The following CACNA1E variants were observed in gnomAD, a reference collection of about 807,000 sequenced individuals.
CACNA1E encodes the protein voltage-dependent R-type calcium channel subunit alpha-1E.
A neutral mutation model predicts 259.2 loss-of-function variants in CACNA1E; 40 were observed. The observed-to-expected ratio is 0.15, with a 90% confidence interval of 0.12 to 0.20. The LOEUF (loss-of-function observed/expected upper bound fraction) is 0.20. CACNA1E is among the 10% of genes least tolerant of loss of function. The pLI is 1.00. For missense variants in CACNA1E, 1,874 were observed against 3,040.1 expected, an observed-to-expected ratio of 0.62 and a Z score of 9.02; for synonymous variants, 1,104 against 1,138.5, an observed-to-expected ratio of 0.97 and a Z score of 0.61.
intron 1 of CACNA1E, among the ~76,000 whole-genome samples, chr1:181,509,636 C>T (rs1259982180): frequency 6.6e-6 from 1 of 152,190 alleles, no homozygotes; most frequent in East Asian, 1.9e-4. Context: ...TCCCTCGGAG[C>T]ATGTGGCAAA....
chr1:181,798,772 G>A lies in CACNA1E; in HGVS notation c.6880G>A (p.Gly2294Ser). The A allele has an allele frequency of 1.3e-6, 2 of 1,586,636 alleles. No homozygotes were observed. The highest frequency in any genetic ancestry group is 1.7e-6 in the Non-Finnish European group (2 of 1,165,704). The change falls in exon 48 of 48, where the codon GGC becomes AGC. Residue 2294 changes from glycine (G) to serine (S), a missense_variant. Coordinates refer to ENST00000367573, the MANE Select transcript of CACNA1E (RefSeq NM_001205293.3). The surrounding 1 kb of genome is among the most constrained non-coding windows in gnomAD (Gnocchi z 4.2). Reference sequence around the variant, plus strand: ...GCGGAGGCGCGGGGGGCCTGGGCCAGGCATGATGTGTGGGGCTGTCAACAA... The same window carrying A: ...GCGGAGGCGCGGGGGGCCTGGGCCAAGCATGATGTGTGGGGCTGTCAACAA... Reference protein sequence around the residue: ...RRRRRGGPGPGMMCGAVNNLL... With the variant: ...RRRRRGGPGPSMMCGAVNNLL...
At chr1:181,386,503 G>A (rs1363522222) in intron 1 of CACNA1E, among the ~76,000 whole-genome samples, 2 of 152,198 alleles carry the variant, frequency 1.3e-5, no homozygotes, top group South Asian at 2.1e-4. Context: ...GAAGGACACC[G>A]AAGGGGGTGA....
At chr1:181,773,110 T>C (rs993249990) in intron 37 of CACNA1E, among the ~76,000 whole-genome samples, 1 of 152,234 alleles carries the variant, frequency 6.6e-6, no homozygotes, top group Non-Finnish European at 1.5e-5. Flanking sequence ...GTGGTCAATT[T>C]CATGGCCATG....
chr1:181,725,277 A>G (rs1461915974), intron 17 of CACNA1E, among the ~76,000 whole-genome samples: 1 of 152,198 alleles, frequency 6.6e-6, no homozygotes. Flanking sequence ...TAGGAAAAAT[A>G]TCAGCTTTAG....
intron 7 of CACNA1E, among the ~76,000 whole-genome samples, chr1:181,710,674 C>T (rs991105213): frequency 2.0e-5 from 3 of 152,184 alleles, no homozygotes; most frequent in Non-Finnish European, 4.4e-5. Context: ...AACCTAGTTT[C>T]TCACATGGCT....
Position 181,356,336 on chromosome 1 carries a change from C to A in CACNA1E, c.-15+38213C>A, listed in dbSNP as rs185636223. Among the ~76,000 whole-genome samples the A allele has an allele frequency of 1.2e-4, 16 of 136,214 alleles. 1 individual carries two copies. In the East Asian group the frequency reaches 3.2e-3, roughly 27 times the overall value. The allele number at this position is 136,214 out of a possible 152,430, so 89.4% of individuals were successfully genotyped here. On this transcript the variant is annotated intron_variant, in intron 1 of 11. Coordinates refer to the CACNA1E transcript ENST00000524607. ...CACTGTATTCCCTGGCTGTTGCCTTCTATTCGTGTGTGTGTGTGTGTGTGT... is the reference window on the plus strand; with the variant it reads ...CACTGTATTCCCTGGCTGTTGCCTTATATTCGTGTGTGTGTGTGTGTGTGT...
At chr1:181,785,091 G>A (rs976319140) in intron 41 of CACNA1E, among the ~76,000 whole-genome samples, 2 of 152,036 alleles carry the variant, frequency 1.3e-5, no homozygotes, top group East Asian at 1.9e-4. Flanking sequence ...CCTCAGTATC[G>A]TCACCATCAC....
chr1:181,407,882 G>A (rs1657578818), intron 1 of CACNA1E, among the ~76,000 whole-genome samples: 1 of 152,170 alleles, frequency 6.6e-6, no homozygotes, highest in Admixed American at 6.5e-5. Flanking sequence ...AAGTTGTAGA[G>A]TATCATATCT....
At chr1:181,320,787 A>G (rs760020711) in intron 1 of CACNA1E, among the ~76,000 whole-genome samples, 2 of 152,082 alleles carry the variant, frequency 1.3e-5, no homozygotes, top group Non-Finnish European at 2.9e-5. Flanking sequence ...GGCCATCCTG[A>G]CTGGTCCTTA....
At chr1:181,797,252 T>C (rs1661891305) in intron 47 of CACNA1E, among the ~76,000 whole-genome samples, 1 of 152,176 alleles carries the variant, frequency 6.6e-6, no homozygotes, top group African/African-American at 2.4e-5. Context: ...GATTCACAAG[T>C]CAGAGCAGTT....
intron 7 of CACNA1E, among the ~76,000 whole-genome samples, chr1:181,678,764 C>G (rs1204839873): frequency 6.6e-6 from 1 of 152,186 alleles, no homozygotes; most frequent in Non-Finnish European, 1.5e-5. Flanking sequence ...CTTTCTCAGA[C>G]TTAGTTTCTC....
chr1:181,737,704 C>A lies in CACNA1E; in HGVS notation c.3552+50C>A, dbSNP rs759145432. 1.0e-5 allele frequency: 16 copies of A among 1,585,132 alleles called. No individual in the cohort carries two copies. The South Asian group carries it at 1.4e-4, about 14-fold the overall frequency. ...AGCCTCTGTAGTGCTCTGGTGCTCA[C>A]CCCATCCCAGCACTGGAGGTGAACC... On this transcript the variant is annotated intron_variant, in intron 23 of 47. Transcript: ENST00000367573.
rs1285704048 is a variant in CACNA1E, at chr1:181,776,245, G to C, written c.5267+17G>C. 1 of 1,613,654 alleles carries C rather than the reference G, an allele frequency of 6.2e-7. No homozygotes were observed. Among genetic ancestry groups the C allele is most frequent in the Non-Finnish European group, 8.5e-7 (1 of 1,179,580 alleles). On this transcript the variant is annotated intron_variant, in intron 38 of 47. Coordinates refer to ENST00000367573, the MANE Select transcript of CACNA1E (RefSeq NM_001205293.3). The surrounding 1 kb of genome is among the most constrained non-coding windows in gnomAD (Gnocchi z 4.4). ...AGCAGCATGGTGCGTAGGCCCCTCG[G>C]CCGCCCCAGCGGGGCCCAGAGCAAA...
intron 28 of CACNA1E, 79 bp from the exon 29 acceptor site, chr1:181,755,877 C>G (rs1049389924): frequency 7.2e-7 from 1 of 1,381,306 alleles, no homozygotes; most frequent in Admixed American, 2.1e-5. Context: ...CACATTATTG[C>G]GGCCTGTAGA....
chr1:181,716,499 C>T lies in CACNA1E; in HGVS notation c.1315+370C>T, dbSNP rs576158446. On this transcript the variant is annotated intron_variant, in intron 10 of 47. Coordinates refer to ENST00000367573, the MANE Select transcript of CACNA1E (RefSeq NM_001205293.3). ...TGAGGACCTGTTGCTTCCAGGGACA[C>T]GGATGTGAGATCTTGAAGCCATTTG... Among the ~76,000 whole-genome samples the T allele has an allele frequency of 2.8e-4, 43 of 152,268 alleles. No homozygotes were observed. The South Asian group carries it at 8.1e-3, about 29-fold the overall frequency.
chr1:181,342,933 GT>G (rs923508158), intron 1 of CACNA1E, among the ~76,000 whole-genome samples: 7 of 152,252 alleles, frequency 4.6e-5, no homozygotes, highest in African/African-American at 1.4e-4. Flanking sequence ...TTTGGCTGCT[GT>G]GTGACAAATG....
At chr1:181,395,549 G>A (rs1557968721) in intron 1 of CACNA1E, among the ~76,000 whole-genome samples, 1 of 152,180 alleles carries the variant, frequency 6.6e-6, no homozygotes, top group Non-Finnish European at 1.5e-5. Flanking sequence ...TGGGGGCAGT[G>A]AGTACTCATT....
intron 21 of CACNA1E, 70 bp from the exon 22 acceptor site, chr1:181,736,205 A>G: frequency 2.0e-6 from 3 of 1,514,514 alleles, no homozygotes; most frequent in Non-Finnish European, 2.7e-6. Flanking sequence ...TTCATCCCCA[A>G]CTAAACACAA....
intron 1 of CACNA1E, among the ~76,000 whole-genome samples, chr1:181,356,966 GAGA>G (rs1188185720): frequency 6.6e-6 from 1 of 152,200 alleles, no homozygotes; most frequent in Non-Finnish European, 1.5e-5. Context: ...AGAGGGTACA[GAGA>G]AGTTGTGCTT....
Sources: gnomAD v4.1 joint callset for allele counts (sites outside exome capture counted in the v4.1 genomes callset) on GRCh38, gnomAD v4.1.1 for gene constraint, Gnocchi (gnomAD v3.1) non-coding constraint, MANE v1.5 for transcripts, NCBI Gene and HGNC (gene_info 2026-07-23, HGNC 2026-07-21) for gene names.